The following WDPCP variants were observed in gnomAD, a reference collection of about 807,000 sequenced individuals.
WDPCP encodes WD repeat containing planar cell polarity effector, also known as WD repeat-containing and planar cell polarity effector protein fritz homolog.
In WDPCP, 71 loss-of-function variants were observed where a neutral mutation model predicts 93.1. The observed-to-expected ratio is 0.76, with a 90% confidence interval of 0.63 to 0.93. The LOEUF is 0.93. Ranked by LOEUF, WDPCP falls within the 40% of genes least tolerant of loss-of-function variation. The pLI, the probability that WDPCP is intolerant of heterozygous loss-of-function variation, is 0.00. For synonymous variants in WDPCP, 315 were observed against 315.0 expected, an observed-to-expected ratio of 1.00 and a Z score of 0.00; for missense variants, 844 against 887.4, an observed-to-expected ratio of 0.95 and a Z score of 0.62.
chr2:63,671,473 C>A (rs1249604243), intron 2 of WDPCP, among the ~76,000 whole-genome samples: 1 of 152,168 alleles, frequency 6.6e-6, no homozygotes, highest in Non-Finnish European at 1.5e-5. Context: ...GTCAGACTTG[C>A]TTTATTAGCC....
chr2:63,658,028 G>A (rs1450017835), intron 2 of WDPCP, among the ~76,000 whole-genome samples: 3 of 152,034 alleles, frequency 2.0e-5, no homozygotes, highest in Non-Finnish European at 2.9e-5. Flanking sequence ...GAAGATAAAG[G>A]ACAATCTATA....
intron 13 of WDPCP, among the ~76,000 whole-genome samples, chr2:63,299,657 C>A (rs1313577542): frequency 3.9e-5 from 6 of 152,150 alleles, no homozygotes; most frequent in Admixed American, 1.3e-4. Flanking sequence ...ATACGAGCCT[C>A]GAGACCCTCT....
intron 9 of WDPCP, 107 bp downstream of exon 9, chr2:63,433,638 A>C: frequency 8.4e-7 from 1 of 1,186,452 alleles, no homozygotes; most frequent in Non-Finnish European, 1.2e-6. Context: ...TATTTGAAAA[A>C]CATAAATTAT....
At chr2:63,722,062 G>A (rs1669424423) in intron 2 of WDPCP, among the ~76,000 whole-genome samples, 1 of 151,996 alleles carries the variant, frequency 6.6e-6, no homozygotes, top group African/African-American at 2.4e-5. Flanking sequence ...GTGCAGTGGC[G>A]TGATCTCGGC....
intron 12 of WDPCP, among the ~76,000 whole-genome samples, chr2:63,332,111 T>C (rs1016323268): frequency 9.3e-5 from 14 of 150,756 alleles, no homozygotes; most frequent in Non-Finnish European, 3.0e-5. Context: ...TGTGTGTATA[T>C]ATATGTATAT....
At chr2:63,138,542 C>G (rs575967422) in intron 17 of WDPCP, among the ~76,000 whole-genome samples, 1 of 151,648 alleles carries the variant, frequency 6.6e-6, no homozygotes, top group South Asian at 2.1e-4. Context: ...GGCTCCGCTC[C>G]CCGGGGTTCA....
At chr2:63,578,987 T>C (rs1708302149) in intron 1 of WDPCP, among the ~76,000 whole-genome samples, 1 of 152,174 alleles carries the variant, frequency 6.6e-6, no homozygotes, top group Non-Finnish European at 1.5e-5. Context: ...GGCCAAGATT[T>C]GTCTCTTATT....
chr2:63,695,539 AT>A (rs1668950959), intron 2 of WDPCP, among the ~76,000 whole-genome samples: 2 of 152,194 alleles, frequency 1.3e-5, no homozygotes, highest in East Asian at 3.8e-4. Context: ...TCTGTCTTGT[AT>A]TTTTATTTGC....
intron 11 of WDPCP, 122 bp from the exon 12 acceptor site, chr2:63,378,631 A>T (rs1373912620): frequency 2.2e-6 from 3 of 1,386,568 alleles, no homozygotes; most frequent in Non-Finnish European, 3.0e-6. Flanking sequence ...TTGTTGCAGG[A>T]AAGATAAAAT....
chr2:63,527,245 A>C (rs1472296458), intron 1 of WDPCP, among the ~76,000 whole-genome samples: 1 of 149,652 alleles, frequency 6.7e-6, no homozygotes, highest in Non-Finnish European at 1.5e-5. Context: ...TTTTACTTTA[A>C]GTTCTAGGGT....
At chr2:63,316,893 CA>C (rs2104024973) in intron 12 of WDPCP, among the ~76,000 whole-genome samples, 2 of 152,162 alleles carry the variant, frequency 1.3e-5, no homozygotes, top group East Asian at 3.9e-4. Context: ...CATTTCTATA[CA>C]CCAATAATGT....
intron 2 of WDPCP, among the ~76,000 whole-genome samples, chr2:63,679,339 T>G (rs1382753992): frequency 6.6e-6 from 1 of 152,182 alleles, no homozygotes; most frequent in Admixed American, 6.5e-5. Context: ...GTACAGTGTG[T>G]GGAGAATTAG....
intron 1 of WDPCP, among the ~76,000 whole-genome samples, chr2:63,586,393 G>A (rs903975314): frequency 3.9e-5 from 6 of 152,232 alleles, no homozygotes; most frequent in East Asian, 1.9e-4. Context: ...TCTGTTTGTT[G>A]CCTTAACAAA....
intron 15 of WDPCP, among the ~76,000 whole-genome samples, chr2:63,156,422 T>C (rs1672253039): frequency 6.6e-6 from 1 of 152,324 alleles, no homozygotes; most frequent in Admixed American, 6.5e-5. Flanking sequence ...TGGTTTTCAA[T>C]TGTACATTAC....
rs752149936 is a variant in WDPCP at position 63,378,499 on chromosome 2, C to G, written c.1635G>C (p.Glu545Asp). The G allele has an allele frequency of 1.9e-6, 3 of 1,613,118 alleles. No homozygotes were observed. In the South Asian group the frequency reaches 3.3e-5, roughly 18 times the overall value. ...GAGCATAGAAGGTTCCAAGGCTTGT[C>G]TCAAGCTGTGCTGTGGAATTCAAAC... ...KLTPEREAQLETSLGTFYAPT... is the reference protein window; with the variant it reads ...KLTPEREAQLDTSLGTFYAPT... The change falls in exon 12 of 18, where the codon GAG becomes GAC. Residue 545 changes from glutamate (E) to aspartate (D), a missense_variant. Physicochemically the swap from Glu to Asp is conservative, Grantham distance 45 (BLOSUM62 2). Coordinates refer to ENST00000272321, the MANE Select transcript of WDPCP (RefSeq NM_015910.7).
rs554038123 is a variant in WDPCP at position 63,206,230 on chromosome 2, T to C, written c.1916-31398A>G. Among the ~76,000 whole-genome samples the C allele has an allele frequency of 6.6e-5, 10 of 152,294 alleles. No individual in the cohort carries two copies. In the East Asian group the frequency reaches 1.9e-3, roughly 29 times the overall value. On this transcript the variant is annotated intron_variant, in intron 14 of 17. Coordinates refer to ENST00000272321, the MANE Select transcript of WDPCP (RefSeq NM_015910.7). ...TATTGTTCAATTTGGTTTGCTAGTA[T>C]TTTGTTGAGGATTTTTGCATCAATA... is the stretch of plus-strand genomic sequence containing the variant.
At chr2:63,594,967 C>G (rs1709276947) in intron 3 of WDPCP, 1 of 249,988 alleles carries the variant, frequency 4.0e-6, no homozygotes, top group African/African-American at 2.3e-5. Context: ...CCCGCTGAAG[C>G]AGGCACTCCG....
intron 13 of WDPCP, among the ~76,000 whole-genome samples, chr2:63,288,244 T>C (rs1388971524): frequency 6.6e-6 from 1 of 152,214 alleles, no homozygotes; most frequent in Non-Finnish European, 1.5e-5. Context: ...GAAGGCATAC[T>C]CATCCTCATG....
At chr2:63,508,728 G>A (rs1702040690) in intron 1 of WDPCP, among the ~76,000 whole-genome samples, 1 of 152,074 alleles carries the variant, frequency 6.6e-6, no homozygotes, top group Non-Finnish European at 1.5e-5. Flanking sequence ...AAAATAAAGG[G>A]ATGCAGGAAT....
Sources: gnomAD v4.1 joint callset for allele counts (sites outside exome capture counted in the v4.1 genomes callset) on GRCh38, gnomAD v4.1.1 for gene constraint, MANE v1.5 for transcripts, NCBI Gene and HGNC (gene_info 2026-07-23, HGNC 2026-07-21) for gene names.